Variants in FEM1B observed in about 807,000 individuals in gnomAD.
FEM1B encodes the protein fem-1 homolog B, also known as protein fem-1 homolog B.
In FEM1B, 10 loss-of-function variants were observed where a neutral mutation model predicts 38.6. The observed-to-expected ratio is 0.26, with a 90% confidence interval of 0.16 to 0.44. The LOEUF is 0.44. Among genes scored for constraint, FEM1B ranks in the 20% least tolerant of loss-of-function variants. The pLI is 1.00. For synonymous variants in FEM1B, 288 were observed against 288.0 expected, an observed-to-expected ratio of 1.00 and a Z score of 0.00; for missense variants, 471 against 786.7, an observed-to-expected ratio of 0.60 and a Z score of 4.80.
chr15:68,290,968 A>T lies in FEM1B; in HGVS notation c.1610A>T (p.His537Leu). 3.7e-6 allele frequency: 6 copies of T among 1,614,186 alleles called. No individual in the cohort carries two copies. The highest frequency in any genetic ancestry group is 4.2e-6 in the Non-Finnish European group (5 of 1,180,026). ...AVDNEGNSAL[H>L]IIVQYNRPIS... is the part of the protein sequence containing the mutation. The stretch of plus-strand genomic sequence containing the variant: ...GACAATGAGGGAAACAGTGCCCTTC[A>T]TATTATCGTTCAGTACAACAGGCCC... The change falls in exon 2 of 2, where the codon CAT becomes CTT. Residue 537 changes from histidine (H) to leucine (L), a missense_variant. This residue lies in a region of FEM1B where 380 missense variants were observed against 599.6 expected (regional missense o/e 0.63). Transcript: ENST00000306917. This position sits in a 1 kb window ranked among gnomAD's most constrained non-coding sequence, Gnocchi z 9.7.
intron 1 of FEM1B, among the ~76,000 whole-genome samples, chr15:68,287,887 G>A (rs1456251569): frequency 1.4e-5 from 2 of 145,384 alleles, no homozygotes; most frequent in Non-Finnish European, 3.0e-5. Flanking sequence ...CAGGCTGAGT[G>A]CAGTGGCACG....
At chr15:68,286,110 T>C (rs373696952) in intron 1 of FEM1B, among the ~76,000 whole-genome samples, 3 of 152,042 alleles carry the variant, frequency 2.0e-5, no homozygotes, top group African/African-American at 4.8e-5. Flanking sequence ...ATAGATTATC[T>C]TGTTGCTCCA....
In FEM1B at chr15:68,290,682, T is replaced by G. The variant is rs550507679; in HGVS notation, c.1324T>G (p.Cys442Gly). 1.2e-6 allele frequency: 2 copies of G among 1,614,026 alleles called. No homozygotes were observed. The highest frequency in any genetic ancestry group is 1.7e-6 in the Non-Finnish European group (2 of 1,179,900). Residue 442 changes from cysteine (C) to glycine (G), a missense_variant, in exon 2 of 2, where the codon TGT becomes GGT. Cys to Gly is a radical substitution (Grantham distance 159). This residue lies in a region of FEM1B where 380 missense variants were observed against 599.6 expected (regional missense o/e 0.63). Coordinates refer to ENST00000306917, the MANE Select transcript of FEM1B (RefSeq NM_015322.5). This position sits in a 1 kb window ranked among gnomAD's most constrained non-coding sequence, Gnocchi z 9.7. ...CCACAATGCTATGGACAATTATGAATGTAATCTCTATACCTTTCTGTATTT... is the reference window on the plus strand; with the variant it reads ...CCACAATGCTATGGACAATTATGAAGGTAATCTCTATACCTTTCTGTATTT... ...DVHNAMDNYE[C>G]NLYTFLYLVC...
intron 1 of FEM1B, among the ~76,000 whole-genome samples, chr15:68,282,276 A>G (rs957632893): frequency 1.3e-5 from 2 of 151,910 alleles, no homozygotes; most frequent in African/African-American, 2.4e-5. Flanking sequence ...TTTTAAAGTC[A>G]GTGCTAGTAC....
In FEM1B at chr15:68,278,495, C is replaced by T; in HGVS notation, c.78C>T (p.Asn26=). 2 of 1,613,994 alleles carry T rather than the reference C, an allele frequency of 1.2e-6. No individual in the cohort carries two copies. Among genetic ancestry groups the T allele is most frequent in the Non-Finnish European group, 1.7e-6 (2 of 1,180,026 alleles). Residue 26 remains asparagine (N), a synonymous_variant, in exon 1 of 2, where the codon AAC becomes AAT. Transcript: ENST00000306917. The surrounding 1 kb of genome is among the most constrained non-coding windows in gnomAD (Gnocchi z 5.7). The part of the protein sequence containing the change: ...KVLTLAALLL[N]RSESDIRYLL... ...TGACTCTGGCCGCCTTGCTTCTCAA[C>T]CGGTCTGAAAGCGACATCCGCTATC...
intron 1 of FEM1B, among the ~76,000 whole-genome samples, chr15:68,286,718 T>C (rs566153609): frequency 6.6e-6 from 1 of 152,348 alleles, no homozygotes; most frequent in South Asian, 2.1e-4. Context: ...ATTGGTATTT[T>C]CTGATGCTGT....
Position 68,278,491 on chromosome 15 carries a change from T to TC in FEM1B, c.75dup (p.Asn26GlnfsTer4). 6.2e-7 allele frequency: 1 copy of TC among 1,613,958 alleles called. No homozygotes were observed. The highest frequency in any genetic ancestry group is 8.5e-7 in the Non-Finnish European group (1 of 1,180,028). ...GTGCTGACTCTGGCCGCCTTGCTTC[T>TC]CAACCGGTCTGAAAGCGACATCCGC... On this transcript the variant is annotated frameshift_variant, in exon 1 of 2. Coordinates refer to ENST00000306917, the MANE Select transcript of FEM1B (RefSeq NM_015322.5). LOFTEE classifies it high-confidence loss of function. The surrounding 1 kb of genome is among the most constrained non-coding windows in gnomAD (Gnocchi z 5.7).
rs974919415 is a variant in FEM1B at position 68,281,440 on chromosome 15, G to A, written c.248+2775G>A. ...TCCCATGTAATTATGGGTTTGCTGT[G>A]TGTTTTGTGTGTGTGCGTGAGAAAG... is the stretch of plus-strand genomic sequence containing the variant. On this transcript the variant is annotated intron_variant, in intron 1 of 1. Transcript: ENST00000306917. This position sits in a 1 kb window ranked among gnomAD's most constrained non-coding sequence, Gnocchi z 5.1. 1.3e-5 allele frequency among the ~76,000 whole-genome samples: 2 copies of A among 152,176 alleles called. No homozygotes were observed. The highest frequency in any genetic ancestry group is 4.8e-5 in the African/African-American group (2 of 41,434).
intron 1 of FEM1B, among the ~76,000 whole-genome samples, chr15:68,279,702 C>T (rs1182664965): frequency 6.6e-6 from 1 of 151,964 alleles, no homozygotes; most frequent in Non-Finnish European, 1.5e-5. Flanking sequence ...TTTAAGATGA[C>T]TAGGGAAATG....
rs1425995740 is a variant in FEM1B at position 68,280,380 on chromosome 15, T to C, written c.248+1715T>C. The stretch of plus-strand genomic sequence containing the variant: ...ATATGCAGAGATGAATAACATACTC[T>C]TTTGTCTTGGAGGATGTCAGTCTGG... On this transcript the variant is annotated intron_variant, in intron 1 of 1. Transcript: ENST00000306917. This position sits in a 1 kb window ranked among gnomAD's most constrained non-coding sequence, Gnocchi z 4.2. 1 of 152,010 alleles carries C rather than the reference T, an allele frequency of 6.6e-6. No individual in the cohort carries two copies. The highest frequency in any genetic ancestry group is 2.4e-5 in the African/African-American group (1 of 41,392). The allele number at this position is 152,010 out of a possible 1,614,324, so 9.4% of individuals were successfully genotyped here. A position where few individuals can be genotyped will look rare whatever the true frequency, so the allele number is the denominator to read the frequency against.
At chr15:68,285,129 C>G (rs1230308657) in intron 1 of FEM1B, among the ~76,000 whole-genome samples, 3 of 152,100 alleles carry the variant, frequency 2.0e-5, no homozygotes, top group Admixed American at 6.6e-5. Context: ...GTAGTATGTA[C>G]TCTTTTTGTT....
At chr15:68,286,925 T>A (rs151297468) in intron 1 of FEM1B, among the ~76,000 whole-genome samples, 3,923 of 152,346 alleles carry the variant, frequency 0.026, 82 homozygotes, top group Middle Eastern at 0.075. Context: ...TTTGCTCTTG[T>A]CACCCAGGCT....
At position 68,278,475 on chromosome 15, in the gene FEM1B, C is replaced by G. The variant is rs746085028; in HGVS notation, c.58C>G (p.Leu20Val). ...GGCCAGCGAGGGCAAGGTGCTGACT[C>G]TGGCCGCCTTGCTTCTCAACCGGTC... ...KAASEGKVLT[L>V]AALLLNRSES... The change falls in exon 1 of 2, where the codon CTG (leucine) becomes GTG (valine). Residue 20 changes from leucine (L) to valine (V), a missense_variant. Leu to Val is a conservative substitution (Grantham distance 32). Around this residue, in one of 3 missense-constraint regions of FEM1B, gnomAD observed 91 missense variants for 169.6 expected, o/e 0.54. Coordinates refer to ENST00000306917, the MANE Select transcript of FEM1B (RefSeq NM_015322.5). This position sits in a 1 kb window ranked among gnomAD's most constrained non-coding sequence, Gnocchi z 5.7. The G allele has an allele frequency of 6.2e-7, 1 of 1,613,804 alleles. No homozygotes were observed. Among genetic ancestry groups the G allele is most frequent in the Non-Finnish European group, 8.5e-7 (1 of 1,180,024 alleles).
At chr15:68,287,156 G>C (rs1236043575) in intron 1 of FEM1B, among the ~76,000 whole-genome samples, 6 of 152,188 alleles carry the variant, frequency 3.9e-5, no homozygotes, top group Non-Finnish European at 8.8e-5. Context: ...CTCCCAAAGT[G>C]CTGGGATTAC....
Position 68,295,770 on chromosome 15 carries a change from G to A in FEM1B, c.*4528G>A, listed in dbSNP as rs1375135237. Reference sequence around the variant, plus strand: ...AGTCATTTTTAGTTTCATGGCAATTGACAGTCCTAATAACTCAGCTAATTT... The same window carrying A: ...AGTCATTTTTAGTTTCATGGCAATTAACAGTCCTAATAACTCAGCTAATTT... On this transcript the variant is annotated 3_prime_UTR_variant, in exon 2 of 2. Coordinates refer to ENST00000306917, the MANE Select transcript of FEM1B (RefSeq NM_015322.5). The A allele has an allele frequency of 6.6e-6, 1 of 152,102 alleles. No individual in the cohort carries two copies. Among genetic ancestry groups the A allele is most frequent in the African/African-American group, 2.4e-5 (1 of 41,420 alleles). 9.4% of individuals were successfully genotyped at this position (152,102 alleles called of 1,614,324 possible).
At chr15:68,279,657 C>T (rs868698666) in intron 1 of FEM1B, among the ~76,000 whole-genome samples, 2 of 151,428 alleles carry the variant, frequency 1.3e-5, no homozygotes, top group South Asian at 4.2e-4. Flanking sequence ...TTAGAAACTG[C>T]CTGGCTAAAA....
rs1276203059 is a variant in FEM1B at position 68,277,948 on chromosome 15, A to C, written c.-470A>C. On this transcript the variant is annotated 5_prime_UTR_variant, in exon 1 of 2. Coordinates refer to ENST00000306917, the MANE Select transcript of FEM1B (RefSeq NM_015322.5). Reference sequence around the variant, plus strand: ...AGGGACGGCGAAGGGCGGAAAGCGCAGGAGGAGGCAGTGTTAGGCCTTAGG... The same window carrying C: ...AGGGACGGCGAAGGGCGGAAAGCGCCGGAGGAGGCAGTGTTAGGCCTTAGG... 6.4e-6 allele frequency: 1 copy of C among 155,762 alleles called. No homozygotes were observed. The highest frequency in any genetic ancestry group is 1.9e-4 in the East Asian group (1 of 5,232). The allele number at this position is 155,762 out of a possible 1,614,324, so 9.6% of individuals were successfully genotyped here. A position where few individuals can be genotyped will look rare whatever the true frequency, so the allele number is the denominator to read the frequency against.
chr15:68,278,294 G>T lies in FEM1B; in HGVS notation c.-124G>T. 1 of 1,311,438 alleles carries T rather than the reference G, an allele frequency of 7.6e-7. No individual in the cohort carries two copies. Among genetic ancestry groups the T allele is most frequent in the Non-Finnish European group, 1.0e-6 (1 of 977,450 alleles). 81.2% of individuals were successfully genotyped at this position (1,311,438 alleles called of 1,614,324 possible). A position where few individuals can be genotyped will look rare whatever the true frequency, so the allele number is the denominator to read the frequency against. On this transcript the variant is annotated 5_prime_UTR_variant, in exon 1 of 2. Transcript: ENST00000306917. The surrounding 1 kb of genome is among the most constrained non-coding windows in gnomAD (Gnocchi z 5.7). ...GCACTGCTGCCTGGGCGCGGCGGCG[G>T]CGACGGCGCCCTGTTGAATGGGCTG...
chr15:68,284,951 G>A lies in FEM1B; in HGVS notation c.249-4656G>A, dbSNP rs1472614235. On this transcript the variant is annotated intron_variant, in intron 1 of 1. Coordinates refer to ENST00000306917, the MANE Select transcript of FEM1B (RefSeq NM_015322.5). The surrounding 1 kb of genome is among the most constrained non-coding windows in gnomAD (Gnocchi z 4.4). ...CTGCTCCTTGCCTTCTGCCATGATT[G>A]TGAAGCCTCCCCACCCATGTGGAAC... Among the ~76,000 whole-genome samples the A allele has an allele frequency of 1.3e-5, 2 of 152,188 alleles. No homozygotes were observed. The highest frequency in any genetic ancestry group is 2.9e-5 in the Non-Finnish European group (2 of 68,034).
Sources: allele counts gnomAD v4.1 joint callset (sites outside exome capture counted in the v4.1 genomes callset), GRCh38; gene constraint gnomAD v4.1.1; regional missense constraint gnomAD v4.1.1; non-coding constraint Gnocchi (gnomAD v3.1); transcripts MANE v1.5; gene names NCBI Gene and HGNC (gene_info 2026-07-23, HGNC 2026-07-21).